Variants in RNF215 observed in about 807,000 individuals in gnomAD.
RNF215 encodes ring finger protein 215.
A neutral mutation model predicts 44.8 loss-of-function variants in RNF215; 41 were observed. The ratio of observed to expected loss-of-function variants is 0.92; its 90% CI spans 0.71 to 1.19. RNF215 has a LOEUF of 1.19. Among genes scored for constraint, RNF215 ranks in the 50% most tolerant of loss-of-function variants. The pLI is 0.00. For synonymous variants in RNF215, 218 were observed against 230.1 expected, an observed-to-expected ratio of 0.95 and a Z score of 0.48; for missense variants, 452 against 496.2, an observed-to-expected ratio of 0.91 and a Z score of 0.85.
chr22:30,380,471 C>G lies in RNF215; in HGVS notation c.745-70G>C. 2 of 1,517,100 alleles carry G rather than the reference C, an allele frequency of 1.3e-6. No individual in the cohort carries two copies. The highest frequency in any genetic ancestry group is 1.8e-6 in the Non-Finnish European group (2 of 1,130,980). The allele number at this position is 1,517,100 out of a possible 1,614,324, so 94.0% of individuals were successfully genotyped here. A position where few individuals can be genotyped will look rare whatever the true frequency, so the allele number is the denominator to read the frequency against. The stretch of plus-strand genomic sequence containing the variant: ...CGCCTCCCTTAGGAACATCTACCCC[C>G]AGGAACGCCAGGGAGCAGGCAGGTG... On this transcript the variant is annotated intron_variant, in intron 5 of 8. Coordinates refer to ENST00000382363, the MANE Select transcript of RNF215 (RefSeq NM_001017981.2). The surrounding 1 kb of genome is among the most constrained non-coding windows in gnomAD (Gnocchi z 5.3).
At chr22:30,381,686 A>G (rs944394657) in intron 5 of RNF215, among the ~76,000 whole-genome samples, 2 of 152,158 alleles carry the variant, frequency 1.3e-5, no homozygotes, top group Non-Finnish European at 2.9e-5. Flanking sequence ...AGGGGCTGAG[A>G]AATGATCTGA....
At position 30,387,272 on chromosome 22, in the gene RNF215, C is replaced by T; in HGVS notation, c.42G>A (p.Pro14=). ...AARPALRSPP[P]PPPPPPSPLL... is the part of the protein sequence containing the mutation. ...GCGGAGACGGAGGCGGCGGCGGAGG[C>T]GGCGGCGGCGATCTCAGCGCGGGGC... Residue 14 remains proline, a synonymous_variant, in exon 1 of 9, where the codon CCG becomes CCA. Transcript: ENST00000382363. 1 of 1,045,148 alleles carries T rather than the reference C, an allele frequency of 9.6e-7. No homozygotes were observed. Among genetic ancestry groups the T allele is most frequent in the Non-Finnish European group, 1.2e-6 (1 of 866,018 alleles). The allele number at this position is 1,045,148 out of a possible 1,614,324, so 64.7% of individuals were successfully genotyped here. A position where few individuals can be genotyped will look rare whatever the true frequency, so the allele number is the denominator to read the frequency against.
intron 5 of RNF215, among the ~76,000 whole-genome samples, chr22:30,381,442 C>G (rs1437182632): frequency 6.6e-6 from 1 of 152,172 alleles, no homozygotes; most frequent in Admixed American, 6.5e-5. Flanking sequence ...TCAACTTGCC[C>G]CAGATGCGGT....
At chr22:30,381,638 G>A (rs1342425055) in intron 5 of RNF215, among the ~76,000 whole-genome samples, 2 of 152,170 alleles carry the variant, frequency 1.3e-5, no homozygotes, top group Non-Finnish European at 2.9e-5. Context: ...GTTCTTCCCC[G>A]ACCGATGCTG....
rs1933614653 is a variant in RNF215, at chr22:30,387,181, C to G, written c.133G>C (p.Gly45Arg). The stretch of plus-strand genomic sequence containing the variant: ...CCCGCCCCGGCCGCCGGCTCGCTGC[C>G]GTCCGCCGCGGCCCCGGGCCCCGCC... ...GLAGPGAAAD[G>R]SEPAAGAGRG... Residue 45 changes from glycine to arginine, a missense_variant, in exon 1 of 9, where the codon GGC becomes CGC. Physicochemically the swap from Gly to Arg is moderately radical, Grantham distance 125. Transcript: ENST00000382363. 3 of 1,089,026 alleles carry G rather than the reference C, an allele frequency of 2.8e-6. No individual in the cohort carries two copies. The highest frequency in any genetic ancestry group is 3.3e-6 in the Non-Finnish European group (3 of 897,450). The allele number at this position is 1,089,026 out of a possible 1,614,324, so 67.5% of individuals were successfully genotyped here. A position where few individuals can be genotyped will look rare whatever the true frequency, so the allele number is the denominator to read the frequency against.
intron 4 of RNF215, 46 bp from the exon 5 acceptor site, chr22:30,384,541 G>A (rs780637010): frequency 6.3e-7 from 1 of 1,581,018 alleles, no homozygotes; most frequent in African/African-American, 1.3e-5. Context: ...CTCTTGGGAA[G>A]GGAGGCCCAG....
chr22:30,380,710 G>GA lies in RNF215; in HGVS notation c.745-310dup, dbSNP rs1933518532. The stretch of plus-strand genomic sequence containing the variant: ...CAGAAGCTTCTATCTGGTAGCCTCA[G>GA]AGACTCCCCAACCCAGCACCCAGCA... On this transcript the variant is annotated intron_variant, in intron 5 of 8. Transcript: ENST00000382363. The surrounding 1 kb of genome is among the most constrained non-coding windows in gnomAD (Gnocchi z 5.3). 6.6e-6 allele frequency among the ~76,000 whole-genome samples: 1 copy of GA among 152,080 alleles called. No individual in the cohort carries two copies. Among genetic ancestry groups the GA allele is most frequent in the Admixed American group, 6.6e-5 (1 of 15,262 alleles).
chr22:30,382,944 A>G (rs539266174), intron 5 of RNF215, among the ~76,000 whole-genome samples: 3 of 152,308 alleles, frequency 2.0e-5, no homozygotes, highest in South Asian at 2.1e-4. Context: ...TCTACAAAAA[A>G]TACAAAAATT....
Position 30,384,429 on chromosome 22 carries a change from C to A in RNF215, c.654G>T (p.Leu218Phe). 6.2e-7 allele frequency: 1 copy of A among 1,614,100 alleles called. No homozygotes were observed. The highest frequency in any genetic ancestry group is 8.5e-7 in the Non-Finnish European group (1 of 1,180,000). ...ESLSANIEWK[L>F]TLWTTCGLSK... is the part of the protein sequence containing the mutation. ...AGAGGCCACAGGTGGTCCACAAGGTCAACTTCCACTCGATATTGGCAGACA... is the reference window on the plus strand; with the variant it reads ...AGAGGCCACAGGTGGTCCACAAGGTAAACTTCCACTCGATATTGGCAGACA... Residue 218 changes from leucine (L) to phenylalanine (F), a missense_variant, in exon 5 of 9, where the codon TTG becomes TTT. Coordinates refer to ENST00000382363, the MANE Select transcript of RNF215 (RefSeq NM_001017981.2).
intron 4 of RNF215, 83 bp downstream of exon 4, chr22:30,385,821 G>A: frequency 7.9e-7 from 1 of 1,271,372 alleles, no homozygotes; most frequent in East Asian, 2.3e-5. Context: ...TAAGGCCCTG[G>A]TCCCAAGCCC....
rs1445048977 is a variant in RNF215 at position 30,380,644 on chromosome 22, C to A, written c.745-243G>T. 1.3e-5 allele frequency among the ~76,000 whole-genome samples: 2 copies of A among 152,140 alleles called. No individual in the cohort carries two copies. The highest frequency in any genetic ancestry group is 2.9e-5 in the Non-Finnish European group (2 of 68,012). ...CAAGGAGAGCCACATCCATTCCCAG[C>A]CCAGGGCTCTCTGGGCAACAAACCT... On this transcript the variant is annotated intron_variant, in intron 5 of 8. Transcript: ENST00000382363. The surrounding 1 kb of genome is among the most constrained non-coding windows in gnomAD (Gnocchi z 5.3).
At position 30,384,369 on chromosome 22, in the gene RNF215, G is replaced by A. The variant is rs757024360; in HGVS notation, c.714C>T (p.Val238=). The change falls in exon 5 of 9, where the codon GTC becomes GTT. Residue 238 remains valine, a synonymous_variant. Coordinates refer to ENST00000382363, the MANE Select transcript of RNF215 (RefSeq NM_001017981.2). ...KDGYGGWQDL[V]CLGGSRAQEQ... is the part of the protein sequence containing the mutation. ...CCTGGGCACGACTGCCTCCAAGGCA[G>A]ACCAAGTCCTGCCATCCTCCATAGC... 2.5e-6 allele frequency: 4 copies of A among 1,613,994 alleles called. No individual in the cohort carries two copies. Among genetic ancestry groups the A allele is most frequent in the East Asian group, 2.2e-5 (1 of 44,888 alleles).
chr22:30,382,932 T>C (rs2145984253), intron 5 of RNF215, among the ~76,000 whole-genome samples: 1 of 152,154 alleles, frequency 6.6e-6, no homozygotes, highest in African/African-American at 2.4e-5. Context: ...TGAAACCCCA[T>C]CTCTACAAAA....
At position 30,387,324 on chromosome 22, in the gene RNF215, G is replaced by C; in HGVS notation, c.-11C>G. 1 of 1,059,510 alleles carries C rather than the reference G, an allele frequency of 9.4e-7. No homozygotes were observed. The highest frequency in any genetic ancestry group is 1.1e-6 in the Non-Finnish European group (1 of 879,412). 65.6% of individuals were successfully genotyped at this position (1,059,510 alleles called of 1,614,324 possible). On this transcript the variant is annotated 5_prime_UTR_variant, in exon 1 of 9. Transcript: ENST00000382363. ...AGCGGCGGGGCCCATGGCCGGACCC[G>C]GCGAGCTGGCCCAACAGTGGGGCCA...
In RNF215 at chr22:30,380,258, G is replaced by C. The variant is rs1437773512; in HGVS notation, c.864+24C>G. ...GCAGGTCCAAGGGCTGAGGGTGCTG[G>C]GGCTCCCTGGGGCTGGCTCCCACCT... On this transcript the variant is annotated intron_variant, in intron 6 of 8. Coordinates refer to ENST00000382363, the MANE Select transcript of RNF215 (RefSeq NM_001017981.2). This position sits in a 1 kb window ranked among gnomAD's most constrained non-coding sequence, Gnocchi z 5.3. 1 of 1,610,888 alleles carries C rather than the reference G, an allele frequency of 6.2e-7. No homozygotes were observed. Among genetic ancestry groups the C allele is most frequent in the Admixed American group, 1.7e-5 (1 of 59,866 alleles).
At position 30,379,387 on chromosome 22, in the gene RNF215, C is replaced by T. The variant is rs1468920284; in HGVS notation, c.*213G>A. 4.9e-6 allele frequency: 3 copies of T among 616,458 alleles called. No homozygotes were observed. The highest frequency in any genetic ancestry group is 1.8e-5 in the African/African-American group (1 of 54,242). 38.2% of individuals were successfully genotyped at this position (616,458 alleles called of 1,614,324 possible). A position where few individuals can be genotyped will look rare whatever the true frequency, so the allele number is the denominator to read the frequency against. On this transcript the variant is annotated 3_prime_UTR_variant, in exon 9 of 9. Coordinates refer to ENST00000382363, the MANE Select transcript of RNF215 (RefSeq NM_001017981.2). The stretch of plus-strand genomic sequence containing the variant: ...TCCCAAAGTGACCTCTCTTCCTTGA[C>T]TGACAGGTCCCAGCCCTAGATCCTC...
intron 2 of RNF215, among the ~76,000 whole-genome samples, 166 bp downstream of exon 2, chr22:30,386,450 T>G (rs56222115): frequency 6.6e-6 from 1 of 152,148 alleles, no homozygotes; most frequent in Non-Finnish European, 1.5e-5. Context: ...CTCACCTCCC[T>G]GCTTCGAAGC....
intron 4 of RNF215, 85 bp from the exon 5 acceptor site, chr22:30,384,580 G>A: frequency 8.1e-7 from 1 of 1,233,452 alleles, no homozygotes; most frequent in Non-Finnish European, 1.1e-6. Context: ...TGCAGGAAAA[G>A]GATACCTACG....
rs1933484538 is a variant in RNF215, at chr22:30,379,285, C to G, written c.*315G>C. 2.4e-6 allele frequency: 1 copy of G among 425,264 alleles called. No individual in the cohort carries two copies. The highest frequency in any genetic ancestry group is 2.0e-5 in the African/African-American group (1 of 50,086). The allele number at this position is 425,264 out of a possible 1,614,324, so 26.3% of individuals were successfully genotyped here. ...GAACCCTGGCGACAGCTACACTGGC[C>G]CCATATTCTCTTTCCTTATTGACCT... is the stretch of plus-strand genomic sequence containing the variant. On this transcript the variant is annotated 3_prime_UTR_variant, in exon 9 of 9. Coordinates refer to ENST00000382363, the MANE Select transcript of RNF215 (RefSeq NM_001017981.2).
Sources: gnomAD v4.1 joint callset for allele counts (sites outside exome capture counted in the v4.1 genomes callset) on GRCh38, gnomAD v4.1.1 for gene constraint, Gnocchi (gnomAD v3.1) non-coding constraint, MANE v1.5 for transcripts, NCBI Gene and HGNC (gene_info 2026-07-23, HGNC 2026-07-21) for gene names.